Variants in DACH2 observed in about 807,000 individuals in gnomAD.
DACH2 encodes the protein dachshund homolog 2.
In DACH2, 17 loss-of-function variants were observed where a neutral mutation model predicts 35.8. The ratio of observed to expected loss-of-function variants is 0.48; its 90% CI spans 0.33 to 0.71. The LOEUF (loss-of-function observed/expected upper bound fraction) is 0.71, where lower values mean the gene tolerates loss of function less well. DACH2 is among the 30% of genes least tolerant of loss of function. The probability of loss-of-function intolerance (pLI) is 0.02; values close to 1 mark genes in which losing one functional copy is unlikely to be tolerated. For missense variants in DACH2, 469 were observed against 472.7 expected (o/e 0.99, Z 0.07); for synonymous variants, 195 against 177.3 (o/e 1.10, Z -0.79).
chrX:86,187,136 A>G (rs2031705256), intron 1 of DACH2, among the ~76,000 whole-genome samples: 1 of 111,676 alleles, frequency 9.0e-6, no homozygotes, highest in South Asian at 3.7e-4. Flanking sequence ...ATAGGATGAC[A>G]AAATTTAATG....
At chrX:86,671,590 C>A (rs1255284180) in intron 4 of DACH2, among the ~76,000 whole-genome samples, 1 of 111,878 alleles carries the variant, frequency 8.9e-6, no homozygotes, top group Non-Finnish European at 1.9e-5. Flanking sequence ...TGCCTGCTTC[C>A]TTCCCCTTTG....
intron 1 of DACH2, among the ~76,000 whole-genome samples, chrX:86,205,472 CCCTCCTTCCCTCCTTCCCTCCT>C (rs2032275988): frequency 2.0e-5 from 1 of 50,327 alleles, no homozygotes; most frequent in African/African-American, 1.6e-4. Flanking sequence ...CTCCCTCCTT[CCCTCCTTCCCTCCTTCCCTCCT>C]TCCTTCCTTC....
chrX:86,666,292 G>T (rs1182660004), intron 4 of DACH2, among the ~76,000 whole-genome samples: 1 of 68,747 alleles, frequency 1.5e-5, no homozygotes, highest in East Asian at 4.8e-4. Context: ...TTTGGAGTGG[G>T]ATGTGTGTGT....
intron 4 of DACH2, among the ~76,000 whole-genome samples, chrX:86,693,652 G>T (rs2041034112): frequency 8.9e-6 from 1 of 112,476 alleles, no homozygotes; most frequent in Non-Finnish European, 1.9e-5. Context: ...TCCCTGAAAA[G>T]TTTACAACTC....
At chrX:86,764,564 C>A (rs2041913655) in intron 7 of DACH2, among the ~76,000 whole-genome samples, 1 of 111,680 alleles carries the variant, frequency 9.0e-6, no homozygotes. Flanking sequence ...TAATTTTATT[C>A]TTTTTTTATG....
intron 3 of DACH2, among the ~76,000 whole-genome samples, chrX:86,566,999 T>A (rs1396876691): frequency 1.8e-5 from 2 of 111,875 alleles, no homozygotes; most frequent in African/African-American, 6.5e-5. Context: ...TGACCAAACA[T>A]GTACAGAGTG....
intron 3 of DACH2, among the ~76,000 whole-genome samples, chrX:86,547,567 A>ACC (rs1345757724): frequency 2.1e-5 from 2 of 97,314 alleles, no homozygotes; most frequent in Non-Finnish European, 4.2e-5. Flanking sequence ...ACACACACAC[A>ACC]CCACAGCTGC....
intron 11 of DACH2, among the ~76,000 whole-genome samples, chrX:86,822,211 G>A (rs1000901253): frequency 1.8e-5 from 2 of 111,866 alleles, no homozygotes; most frequent in African/African-American, 6.5e-5. Flanking sequence ...TTTCATAGAA[G>A]ACTGTAATCA....
chrX:86,576,513 G>A (rs1172313669), intron 3 of DACH2, among the ~76,000 whole-genome samples: 4 of 111,222 alleles, frequency 3.6e-5, no homozygotes, highest in Non-Finnish European at 7.5e-5. Context: ...TACTGCAAAC[G>A]ATTATTTCCA....
chrX:86,176,099 C>A (rs768943112), intron 1 of DACH2, among the ~76,000 whole-genome samples: 20 of 110,961 alleles, frequency 1.8e-4, no homozygotes, highest in African/African-American at 5.2e-4. Context: ...TTTTGCTAAG[C>A]AGTATGAGTA....
intron 1 of DACH2, among the ~76,000 whole-genome samples, chrX:86,233,705 G>T (rs2032997510): frequency 8.9e-6 from 1 of 112,103 alleles, no homozygotes; most frequent in South Asian, 3.8e-4. Context: ...AGAAAAAGAG[G>T]TTTAGTTGGA....
chrX:86,512,660 TAGA>T (rs748920455), intron 2 of DACH2, among the ~76,000 whole-genome samples: 103 of 111,983 alleles, frequency 9.2e-4, no homozygotes, highest in African/African-American at 3.1e-3. Context: ...TTCTGACAAA[TAGA>T]AGGACACAAA....
chrX:86,177,779 A>G (rs987749114), intron 1 of DACH2, among the ~76,000 whole-genome samples: 3 of 111,027 alleles, frequency 2.7e-5, no homozygotes, highest in Non-Finnish European at 5.7e-5. Flanking sequence ...TTAGGGAGAA[A>G]GAAGGCAGTT....
chrX:86,444,199 C>T (rs2037219587), intron 2 of DACH2, among the ~76,000 whole-genome samples: 1 of 111,674 alleles, frequency 9.0e-6, no homozygotes, highest in Non-Finnish European at 1.9e-5. Context: ...GTGACACTCT[C>T]ATCAGCCTCC....
intron 3 of DACH2, among the ~76,000 whole-genome samples, chrX:86,519,126 A>T (rs1473768293): frequency 8.9e-6 from 1 of 112,101 alleles, no homozygotes; most frequent in Non-Finnish European, 1.9e-5. Context: ...ATTTTATCAT[A>T]AACCAGTTCT....
At chrX:86,183,809 C>CT (rs1352064851) in intron 1 of DACH2, among the ~76,000 whole-genome samples, 2 of 111,056 alleles carry the variant, frequency 1.8e-5, no homozygotes, top group African/African-American at 3.3e-5. Context: ...CGGTCTTGGG[C>CT]TTTTTTTGGT....
intron 4 of DACH2, among the ~76,000 whole-genome samples, chrX:86,659,500 A>G (rs1156664419): frequency 9.0e-6 from 1 of 111,059 alleles, no homozygotes; most frequent in East Asian, 2.8e-4. Flanking sequence ...ATCCTTATAG[A>G]TCTTATTAGC....
intron 7 of DACH2, among the ~76,000 whole-genome samples, chrX:86,764,978 A>C (rs1390575394): frequency 1.0e-5 from 1 of 99,799 alleles, no homozygotes; most frequent in African/African-American, 3.6e-5. Context: ...TCCTCATGAT[A>C]AGTGATGTTG....
At chrX:86,649,904 G>A (rs2040458608) in intron 3 of DACH2, among the ~76,000 whole-genome samples, 1 of 110,801 alleles carries the variant, frequency 9.0e-6, no homozygotes, top group Non-Finnish European at 1.9e-5. Flanking sequence ...TTTTATGGTA[G>A]GATGAATTTT....
Sources: gnomAD v4.1 joint callset for allele counts (sites outside exome capture counted in the v4.1 genomes callset) on GRCh38, gnomAD v4.1.1 for gene constraint, MANE v1.5 for transcripts, NCBI Gene and HGNC (gene_info 2026-07-23, HGNC 2026-07-21) for gene names.